Variants in TRERF1 observed in about 807,000 individuals in gnomAD.
TRERF1 encodes transcriptional regulating factor 1, also known as transcriptional-regulating factor 1.
In TRERF1, 27 loss-of-function variants were observed where a neutral mutation model predicts 122.9. The observed-to-expected ratio is 0.22, with a 90% confidence interval of 0.16 to 0.30. The LOEUF (loss-of-function observed/expected upper bound fraction) is 0.30, where lower values mean the gene tolerates loss of function less well. TRERF1 is among the 10% of genes least tolerant of loss of function. The pLI is 1.00. For missense variants in TRERF1, 1,248 were observed against 1,560.3 expected (o/e 0.80, Z 3.37); for synonymous variants, 636 against 641.7 (o/e 0.99, Z 0.13).
intron 4 of TRERF1, among the ~76,000 whole-genome samples, chr6:42,286,064 G>C (rs1783163940): frequency 6.6e-6 from 1 of 151,130 alleles, no homozygotes; most frequent in Non-Finnish European, 1.5e-5. Flanking sequence ...TTAATAAATG[G>C]TGCTGGGAAA....
At chr6:42,344,182 C>A (rs574849591) in intron 3 of TRERF1, among the ~76,000 whole-genome samples, 14 of 152,332 alleles carry the variant, frequency 9.2e-5, no homozygotes, top group Non-Finnish European at 1.3e-4. Flanking sequence ...TCCATGCCCC[C>A]ACTATTGTTC....
rs757391973 is a variant in TRERF1, at chr6:42,259,353, A to C, written c.2255T>G (p.Leu752Arg). ...GGGTGACTCACTGGAGCGACACAGC[A>C]GCACCCGTGGTGTGGGCGTCAGGGG... Residue 752 changes from leucine to arginine, a missense_variant, in exon 9 of 18, where the codon CTG becomes CGG. Leu to Arg is a moderately radical substitution (Grantham distance 102). Coordinates refer to ENST00000372922, the Ensembl canonical transcript of TRERF1. The surrounding 1 kb of genome is among the most constrained non-coding windows in gnomAD (Gnocchi z 4.9). 2 of 1,507,300 alleles carry C rather than the reference A, an allele frequency of 1.3e-6. No homozygotes were observed. The highest frequency in any genetic ancestry group is 1.8e-6 in the Non-Finnish European group (2 of 1,138,790). 93.4% of individuals were successfully genotyped at this position (1,507,300 alleles called of 1,614,324 possible).
At chr6:42,299,116 C>CTGTCTGTCTCTA (rs10627056) in intron 4 of TRERF1, among the ~76,000 whole-genome samples, 1 of 141,680 alleles carries the variant, frequency 7.1e-6, no homozygotes, top group Non-Finnish European at 1.6e-5. Context: ...GTCTGTCTGT[C>CTGTCTGTCTCTA]TCTATCTATC....
At chr6:42,432,517 C>T (rs950768029) in intron 2 of TRERF1, among the ~76,000 whole-genome samples, 2 of 152,188 alleles carry the variant, frequency 1.3e-5, no homozygotes, top group African/African-American at 4.8e-5. Flanking sequence ...ATCATAAAAG[C>T]CATAACAGGG....
chr6:42,424,286 G>A (rs566264553), intron 2 of TRERF1, among the ~76,000 whole-genome samples: 1 of 152,170 alleles, frequency 6.6e-6, no homozygotes, highest in Non-Finnish European at 1.5e-5. Flanking sequence ...GTATGTGAAT[G>A]TACAACATTA....
intron 2 of TRERF1, among the ~76,000 whole-genome samples, chr6:42,370,272 C>G (rs968119886): frequency 6.6e-6 from 1 of 152,128 alleles, no homozygotes; most frequent in Non-Finnish European, 1.5e-5. Context: ...TATAAAAACA[C>G]AAAAAATTGT....
chr6:42,450,366 G>T (rs746083826), intron 2 of TRERF1, among the ~76,000 whole-genome samples: 13 of 152,196 alleles, frequency 8.5e-5, no homozygotes, highest in Non-Finnish European at 1.8e-4. Flanking sequence ...CTACAGGGGC[G>T]GTCATTCCTA....
At chr6:42,237,780 GGT>G (rs1772586997) in intron 15 of TRERF1, among the ~76,000 whole-genome samples, 1 of 152,124 alleles carries the variant, frequency 6.6e-6, no homozygotes, top group African/African-American at 2.4e-5. Context: ...TTGGATTTGG[GGT>G]GTGTGTGTGA....
chr6:42,324,424 A>G (rs112826548), intron 3 of TRERF1, among the ~76,000 whole-genome samples: 62 of 152,362 alleles, frequency 4.1e-4, no homozygotes, highest in African/African-American at 1.3e-3. Context: ...ATATGGAACC[A>G]AAATAAGCCC....
At position 42,228,459 on chromosome 6, in the gene TRERF1, G is replaced by T. The variant is rs767921191; in HGVS notation, c.3489C>A (p.Asp1163Glu). 1 of 1,614,072 alleles carries T rather than the reference G, an allele frequency of 6.2e-7. No homozygotes were observed. The highest frequency in any genetic ancestry group is 1.3e-5 in the African/African-American group (1 of 74,928). ...CTCCCAACTGCTGGACGACGTCGTC[G>T]TCGAGGATGTCCACATCCTTGATGG... Residue 1163 changes from aspartate (D) to glutamate (E), a missense_variant, in exon 18 of 18, where the codon GAC becomes GAA. Around this residue, in one of 5 missense-constraint regions of TRERF1, gnomAD observed 84 missense variants for 116.0 expected, o/e 0.72. Transcript: ENST00000372922. This position sits in a 1 kb window ranked among gnomAD's most constrained non-coding sequence, Gnocchi z 4.2.
chr6:42,360,091 A>G (rs1425338045), intron 3 of TRERF1, among the ~76,000 whole-genome samples: 1 of 152,264 alleles, frequency 6.6e-6, no homozygotes, highest in Non-Finnish European at 1.5e-5. Flanking sequence ...AAACATGCAC[A>G]TAAAAACATA....
chr6:42,310,742 A>G (rs553349272), intron 3 of TRERF1, among the ~76,000 whole-genome samples: 1 of 152,078 alleles, frequency 6.6e-6, no homozygotes, highest in East Asian at 1.9e-4. Context: ...AAGAGTACCC[A>G]CCCCCAACCA....
At chr6:42,312,434 G>C (rs1368501807) in intron 3 of TRERF1, among the ~76,000 whole-genome samples, 2 of 152,226 alleles carry the variant, frequency 1.3e-5, no homozygotes, top group Admixed American at 1.3e-4. Context: ...CTGGATCACG[G>C]AGTCAGTAGA....
intron 15 of TRERF1, 150 bp from the exon 16 acceptor site, chr6:42,236,561 G>T: frequency 1.5e-6 from 2 of 1,293,898 alleles, no homozygotes; most frequent in African/African-American, 1.5e-5. Context: ...GACAGAGCCT[G>T]TTAGGCGTGA....
chr6:42,371,563 A>G (rs770455728), intron 2 of TRERF1, among the ~76,000 whole-genome samples: 8 of 152,316 alleles, frequency 5.3e-5, no homozygotes, highest in Admixed American at 1.3e-4. Context: ...AAGGCAAAGG[A>G]CATTTGCAAT....
chr6:42,268,604 G>C lies in TRERF1; in HGVS notation c.987C>G (p.Pro329=), dbSNP rs963285102. Residue 329 remains proline (P), a synonymous_variant, in exon 5 of 18, where the codon CCC becomes CCG. Coordinates refer to ENST00000372922, the Ensembl canonical transcript of TRERF1. This position sits in a 1 kb window ranked among gnomAD's most constrained non-coding sequence, Gnocchi z 4.4. ...CTTGCAAGTGCTGCATCATGGGTTGGGGCTGATAATACTGAGGTATCTGCA... is the reference window on the plus strand; with the variant it reads ...CTTGCAAGTGCTGCATCATGGGTTGCGGCTGATAATACTGAGGTATCTGCA... 1 of 1,613,938 alleles carries C rather than the reference G, an allele frequency of 6.2e-7. No homozygotes were observed. Among genetic ancestry groups the C allele is most frequent in the Non-Finnish European group, 8.5e-7 (1 of 1,179,912 alleles).
intron 3 of TRERF1, among the ~76,000 whole-genome samples, chr6:42,343,376 CT>C (rs1465189168): frequency 1.3e-5 from 2 of 152,166 alleles, no homozygotes; most frequent in Non-Finnish European, 2.9e-5. Flanking sequence ...CATAATGTAC[CT>C]GCCGCATAAA....
chr6:42,334,992 G>C (rs1765894407), intron 3 of TRERF1, among the ~76,000 whole-genome samples: 1 of 152,204 alleles, frequency 6.6e-6, no homozygotes, highest in African/African-American at 2.4e-5. Flanking sequence ...ATAACAACAT[G>C]AATCGGCATA....
In TRERF1 at chr6:42,240,953, C is replaced by T. The variant is rs188011849; in HGVS notation, c.2859+2295G>A. On this transcript the variant is annotated intron_variant, in intron 15 of 17. Transcript: ENST00000372922. ...TGTTGCCCAGGCTGGAGTACGGTGG[C>T]GCAATCTCTGCTCACTGCAACCTCC... Among the ~76,000 whole-genome samples, 34 of 152,026 alleles carry T rather than the reference C, an allele frequency of 2.2e-4. No homozygotes were observed. The East Asian group carries it at 2.7e-3, about 12-fold the overall frequency.
Sources: allele counts gnomAD v4.1 joint callset (sites outside exome capture counted in the v4.1 genomes callset), GRCh38; gene constraint gnomAD v4.1.1; regional missense constraint gnomAD v4.1.1; non-coding constraint Gnocchi (gnomAD v3.1); transcripts MANE v1.5; gene names NCBI Gene and HGNC (gene_info 2026-07-23, HGNC 2026-07-21).